APBA1: variants seen among roughly 807,000 people sequenced by gnomAD.
The protein encoded by APBA1 is amyloid-beta A4 precursor protein-binding family A member 1.
A neutral mutation model predicts 86.6 loss-of-function variants in APBA1; 55 were observed. The observed-to-expected ratio is 0.64, with a 90% CI of 0.51 to 0.80. APBA1 has a LOEUF of 0.80. Ranked by LOEUF, APBA1 falls within the 30% of genes least tolerant of loss-of-function variation. The pLI is 0.00. For synonymous variants in APBA1, 511 were observed against 493.9 expected (o/e 1.03, Z -0.46); for missense variants, 1,090 against 1,183.0 (o/e 0.92, Z 1.15).
At chr9:69,656,626 A>G (rs1358325789) in intron 1 of APBA1, among the ~76,000 whole-genome samples, 2 of 152,208 alleles carry the variant, frequency 1.3e-5, no homozygotes, top group Non-Finnish European at 2.9e-5. Context: ...AAAATGTTCT[A>G]TGTCTTGATT....
chr9:69,516,777 G>T lies in APBA1; in HGVS notation c.434C>A (p.Ala145Glu). ...AEHAEATHRR[A>E]LPNHLHFHSL... ...GTGGAAGTGCAGGTGGTTGGGCAGC[G>T]CGCGGCGGTGCGTGGCCTCGGCGTG... Residue 145 changes from alanine to glutamate, a missense_variant, in exon 2 of 13, where the codon GCG becomes GAG. By Grantham distance (107) the Ala-to-Glu change is moderately radical. This residue lies in a region of APBA1 where 678 missense variants were observed against 647.1 expected (regional missense o/e 1.05). Transcript: ENST00000265381. The surrounding 1 kb of genome is among the most constrained non-coding windows in gnomAD (Gnocchi z 7.3). The T allele has an allele frequency of 6.2e-7, 1 of 1,611,112 alleles. No homozygotes were observed.
In APBA1 at chr9:69,516,797, G is replaced by C. The variant is rs377472381; in HGVS notation, c.414C>G (p.Ala138=). The change falls in exon 2 of 13, where the codon GCC becomes GCG. Residue 138 remains alanine (A), a synonymous_variant. Coordinates refer to ENST00000265381, the MANE Select transcript of APBA1 (RefSeq NM_001163.4). This position sits in a 1 kb window ranked among gnomAD's most constrained non-coding sequence, Gnocchi z 7.3. The part of the protein sequence containing the change: ...EYTEQAEAEH[A]EATHRRALPN... ...GCAGCGCGCGGCGGTGCGTGGCCTC[G>C]GCGTGCTCGGCCTCTGCCTGCTCCG... 6.4e-5 allele frequency: 103 copies of C among 1,609,402 alleles called. No homozygotes were observed. The highest frequency in any genetic ancestry group is 8.6e-5 in the Non-Finnish European group (102 of 1,179,428).
chr9:69,562,504 A>C (rs1836962303), intron 1 of APBA1, among the ~76,000 whole-genome samples: 1 of 151,790 alleles, frequency 6.6e-6, no homozygotes, highest in African/African-American at 2.4e-5. Flanking sequence ...CCTCCCCAGT[A>C]GCTGGGATTA....
chr9:69,554,859 A>G (rs1836838419), intron 1 of APBA1, among the ~76,000 whole-genome samples: 2 of 152,046 alleles, frequency 1.3e-5, no homozygotes, highest in Non-Finnish European at 2.9e-5. Context: ...AGCTTTTTCT[A>G]TTTATTTTGA....
chr9:69,584,365 C>T (rs1054908402), intron 1 of APBA1, among the ~76,000 whole-genome samples: 1 of 152,172 alleles, frequency 6.6e-6, no homozygotes, highest in African/African-American at 2.4e-5. Context: ...TTTATCCTCA[C>T]ATTAAGCCTA....
At chr9:69,541,682 A>G (rs1294876951) in intron 1 of APBA1, among the ~76,000 whole-genome samples, 2 of 152,070 alleles carry the variant, frequency 1.3e-5, no homozygotes, top group East Asian at 3.8e-4. Flanking sequence ...GAGCATTAGT[A>G]TGCTGTGAAT....
At chr9:69,561,697 T>C (rs1836948075) in intron 1 of APBA1, among the ~76,000 whole-genome samples, 1 of 151,824 alleles carries the variant, frequency 6.6e-6, no homozygotes, top group Admixed American at 6.6e-5. Flanking sequence ...TGGTGCCATC[T>C]CGACTCACTG....
intron 1 of APBA1, among the ~76,000 whole-genome samples, chr9:69,664,160 A>G (rs970565359): frequency 6.6e-6 from 1 of 152,244 alleles, no homozygotes; most frequent in African/African-American, 2.4e-5. Flanking sequence ...AACACAAGAT[A>G]GGGATACTTC....
At chr9:69,647,613 G>C (rs538746572) in intron 1 of APBA1, among the ~76,000 whole-genome samples, 1 of 152,214 alleles carries the variant, frequency 6.6e-6, no homozygotes, top group Admixed American at 6.5e-5. Flanking sequence ...TATTATTCAA[G>C]GTCACAAAAC....
intron 1 of APBA1, among the ~76,000 whole-genome samples, chr9:69,567,014 G>A (rs1234388275): frequency 6.6e-6 from 1 of 152,166 alleles, no homozygotes; most frequent in Non-Finnish European, 1.5e-5. Flanking sequence ...TTTCTTGAAT[G>A]AATGGAGAAA....
intron 1 of APBA1, among the ~76,000 whole-genome samples, chr9:69,542,370 A>G (rs1460888312): frequency 2.6e-5 from 4 of 152,242 alleles, no homozygotes; most frequent in African/African-American, 9.6e-5. Flanking sequence ...TTATTGTTCC[A>G]TACAGAATAG....
chr9:69,666,403 T>C (rs1340599322), intron 1 of APBA1, among the ~76,000 whole-genome samples: 2 of 149,826 alleles, frequency 1.3e-5, no homozygotes, highest in East Asian at 4.0e-4. Flanking sequence ...ACCCACCCAC[T>C]ATCATCAGTC....
chr9:69,459,897 G>C (rs1376956052), intron 5 of APBA1, among the ~76,000 whole-genome samples: 1 of 152,226 alleles, frequency 6.6e-6, no homozygotes, highest in African/African-American at 2.4e-5. Context: ...GATTATAATT[G>C]ACCTAGGTCA....
At chr9:69,515,203 T>C (rs1441504150) in intron 2 of APBA1, among the ~76,000 whole-genome samples, 1 of 152,168 alleles carries the variant, frequency 6.6e-6, no homozygotes, top group Non-Finnish European at 1.5e-5. Context: ...CCTCTTGTTT[T>C]CCTATGACAA....
At chr9:69,434,187 C>T (rs975431766) in intron 11 of APBA1, among the ~76,000 whole-genome samples, 8 of 152,206 alleles carry the variant, frequency 5.3e-5, no homozygotes, top group Non-Finnish European at 8.8e-5. Context: ...AGCTGCTCTG[C>T]GGGACTCTGT....
chr9:69,646,298 A>C (rs887681907), intron 1 of APBA1, among the ~76,000 whole-genome samples: 1 of 152,216 alleles, frequency 6.6e-6, no homozygotes, highest in African/African-American at 2.4e-5. Flanking sequence ...GCTCATATAC[A>C]GTTCAAAAAT....
chr9:69,458,173 C>T lies in APBA1; in HGVS notation c.1498G>A (p.Ala500Thr). The change falls in exon 6 of 13, where the codon GCC becomes ACC. Residue 500 changes from alanine to threonine, a missense_variant. Around this residue, in one of 6 missense-constraint regions of APBA1, gnomAD observed 76 missense variants for 122.2 expected, o/e 0.62. Coordinates refer to ENST00000265381, the MANE Select transcript of APBA1 (RefSeq NM_001163.4). ...VSRIKMAQKL[A>T]KSRKKAPEGE... ...TACTGCACCTTCTTCCTGCTTTTGG[C>T]TAATTTCTGGGCCATCTGCTTAGCA... 1 of 1,612,332 alleles carries T rather than the reference C, an allele frequency of 6.2e-7. No homozygotes were observed. Among genetic ancestry groups the T allele is most frequent in the Non-Finnish European group, 8.5e-7 (1 of 1,179,604 alleles).
chr9:69,528,742 T>TCACA (rs533282382), intron 1 of APBA1, among the ~76,000 whole-genome samples: 3 of 151,042 alleles, frequency 2.0e-5, no homozygotes, highest in South Asian at 2.1e-4. Context: ...TGTACCATTT[T>TCACA]CACACACACA....
chr9:69,661,204 C>G (rs182492623), intron 1 of APBA1, among the ~76,000 whole-genome samples: 69 of 152,204 alleles, frequency 4.5e-4, no homozygotes, highest in African/African-American at 1.6e-3. Flanking sequence ...GTGGCAGAGA[C>G]CATATGGCCC....
Sources: allele counts gnomAD v4.1 joint callset (sites outside exome capture counted in the v4.1 genomes callset), GRCh38; gene constraint gnomAD v4.1.1; regional missense constraint gnomAD v4.1.1; non-coding constraint Gnocchi (gnomAD v3.1); transcripts MANE v1.5; gene names NCBI Gene and HGNC (gene_info 2026-07-23, HGNC 2026-07-21).